The following KCNQ3 variants were observed in gnomAD, a reference collection of about 807,000 sequenced individuals.
KCNQ3 encodes potassium voltage-gated channel subfamily Q member 3.
KCNQ3 carries 30 observed loss-of-function variants against 92.5 expected under a neutral mutation model. The ratio of observed to expected loss-of-function variants is 0.32; its 90% CI spans 0.24 to 0.44. The LOEUF is 0.44. KCNQ3 is among the 20% of genes least tolerant of loss of function. KCNQ3 has a pLI of 1.00. For missense variants in KCNQ3, 913 were observed against 1,140.3 expected, an observed-to-expected ratio of 0.80 and a Z score of 2.87; for synonymous variants, 450 against 468.8, an observed-to-expected ratio of 0.96 and a Z score of 0.52.
chr8:132,190,683 A>T, intron 1 of KCNQ3, among the ~76,000 whole-genome samples: 1 of 152,214 alleles, frequency 6.6e-6, no homozygotes, highest in East Asian at 1.9e-4. Context: ...CTGCTTCGTG[A>T]GATGCTCAGC....
chr8:132,171,479 G>A (rs560477159), intron 7 of KCNQ3, among the ~76,000 whole-genome samples: 17 of 152,252 alleles, frequency 1.1e-4, no homozygotes, highest in East Asian at 7.7e-4. Flanking sequence ...TGAAATATAA[G>A]AGGAAACACT....
chr8:132,252,066 G>C (rs1815430224), intron 1 of KCNQ3, among the ~76,000 whole-genome samples: 1 of 152,110 alleles, frequency 6.6e-6, no homozygotes, highest in African/African-American at 2.4e-5. Context: ...GAGGATCATG[G>C]CCACTATGTA....
At chr8:132,348,682 GC>G (rs1818768233) in intron 1 of KCNQ3, among the ~76,000 whole-genome samples, 1 of 152,190 alleles carries the variant, frequency 6.6e-6, no homozygotes, top group Non-Finnish European at 1.5e-5. Flanking sequence ...TTCACAGAGG[GC>G]TCTGTCATCT....
At chr8:132,281,550 A>G (rs144989891) in intron 1 of KCNQ3, among the ~76,000 whole-genome samples, 591 of 11,046 alleles carry the variant, frequency 0.054, 4 homozygotes, top group African/African-American at 0.13. Context: ...ATGTGTGTGT[A>G]TATATATATA....
Position 132,194,248 on chromosome 8 carries a change from C to T in KCNQ3, c.387-8067G>A, listed in dbSNP as rs1159081924. ...TTACGTCATAGTTAGCTGCACTTGTCCTAACCCTTGGCCACCATTACTGAT... is the reference window on the plus strand; with the variant it reads ...TTACGTCATAGTTAGCTGCACTTGTTCTAACCCTTGGCCACCATTACTGAT... On this transcript the variant is annotated intron_variant, in intron 1 of 14. Coordinates refer to ENST00000388996, the MANE Select transcript of KCNQ3 (RefSeq NM_004519.4). Among the ~76,000 whole-genome samples the T allele has an allele frequency of 6.6e-5, 10 of 152,318 alleles. No homozygotes were observed. In the South Asian group the frequency reaches 1.0e-3, roughly 16 times the overall value.
chr8:132,213,972 G>A (rs776040885), intron 1 of KCNQ3, among the ~76,000 whole-genome samples: 14 of 152,108 alleles, frequency 9.2e-5, no homozygotes, highest in Non-Finnish European at 1.9e-4. Flanking sequence ...AAAAAACCAC[G>A]GAAAATACAC....
At chr8:132,447,053 G>A in intron 1 of KCNQ3, 1 of 662,790 alleles carries the variant, frequency 1.5e-6, no homozygotes, top group South Asian at 1.9e-5. Flanking sequence ...CATTTCCTGA[G>A]CCCCTTCTGG....
chr8:132,142,167 G>A (rs757323411), intron 9 of KCNQ3, among the ~76,000 whole-genome samples: 45 of 152,040 alleles, frequency 3.0e-4, no homozygotes, highest in Non-Finnish European at 3.7e-4. Context: ...ATTGTATTTT[G>A]TTTATAGATT....
chr8:132,262,166 TAATAGGCA>T (rs1472951674), intron 1 of KCNQ3, among the ~76,000 whole-genome samples: 2 of 152,184 alleles, frequency 1.3e-5, no homozygotes, highest in Non-Finnish European at 2.9e-5. Flanking sequence ...CAAATGTCCA[TAATAGGCA>T]AATCTACAGA....
chr8:132,129,604 G>C lies in KCNQ3; in HGVS notation c.2277C>G (p.Ser759Arg). Reference protein sequence around the residue: ...PILTLLDSRVSCHSQADLQGP... With the variant: ...PILTLLDSRVRCHSQADLQGP... ...CCTGCAGGTCAGCCTGGGAGTGGCA[G>C]CTCACTCGGGAGTCGAGAAGAGTCA... The change falls in exon 15 of 15, where the codon AGC (serine) becomes AGG (arginine). Residue 759 changes from serine to arginine, a missense_variant. Physicochemically the swap from Ser to Arg is moderately radical, Grantham distance 110 (BLOSUM62 -1). Around this residue, in one of 6 missense-constraint regions of KCNQ3, gnomAD observed 375 missense variants for 376.4 expected, o/e 1.00. Coordinates refer to ENST00000388996, the MANE Select transcript of KCNQ3 (RefSeq NM_004519.4). The surrounding 1 kb of genome is among the most constrained non-coding windows in gnomAD (Gnocchi z 5.9). 6.2e-7 allele frequency: 1 copy of C among 1,614,182 alleles called. No individual in the cohort carries two copies.
At position 132,150,580 on chromosome 8, in the gene KCNQ3, G is replaced by C. The variant is rs536238655; in HGVS notation, c.1263-9249C>G. Reference sequence around the variant, plus strand: ...ATCCAAGTTATAGTTATATTTACAAGGACTTTATGTTTTCCTTTTCTTGGA... The same window carrying C: ...ATCCAAGTTATAGTTATATTTACAACGACTTTATGTTTTCCTTTTCTTGGA... On this transcript the variant is annotated intron_variant, in intron 9 of 14. Transcript: ENST00000388996. Among the ~76,000 whole-genome samples the C allele has an allele frequency of 4.6e-5, 7 of 152,222 alleles. No homozygotes were observed. In the South Asian group the frequency reaches 1.5e-3, roughly 32 times the overall value.
At chr8:132,184,503 G>GGGT in intron 2 of KCNQ3, 136 bp from the exon 3 acceptor site, 1 of 605,186 alleles carries the variant, frequency 1.7e-6, no homozygotes, top group Non-Finnish European at 2.9e-6. Context: ...GATGGCTGGG[G>GGGT]ATGGGGGTGG....
At chr8:132,248,623 T>A (rs1815271819) in intron 1 of KCNQ3, among the ~76,000 whole-genome samples, 1 of 152,134 alleles carries the variant, frequency 6.6e-6, no homozygotes, top group African/African-American at 2.4e-5. Context: ...CACTCCAATA[T>A]CCTTTACTTG....
intron 8 of KCNQ3, among the ~76,000 whole-genome samples, chr8:132,164,391 G>A (rs1826081870): frequency 6.7e-6 from 1 of 149,484 alleles, no homozygotes; most frequent in South Asian, 2.1e-4. Context: ...CCCAGCACGT[G>A]AGAGTGCTCA....
In KCNQ3 at chr8:132,141,115, T is replaced by TA. The variant is rs1275197834; in HGVS notation, c.1465+13dup. The TA allele has an allele frequency of 6.2e-7, 1 of 1,612,470 alleles. No individual in the cohort carries two copies. The highest frequency in any genetic ancestry group is 8.5e-7 in the Non-Finnish European group (1 of 1,178,516). On this transcript the variant is annotated intron_variant, in intron 10 of 14. Coordinates refer to ENST00000388996, the MANE Select transcript of KCNQ3 (RefSeq NM_004519.4). ...GAAGTGGAAGAGACAGGGAGGGAGA[T>TA]AAAAAGGCATTACCTTCAGAACTCT...
chr8:132,331,512 C>T (rs566378662), intron 1 of KCNQ3, among the ~76,000 whole-genome samples: 6 of 152,244 alleles, frequency 3.9e-5, no homozygotes, highest in African/African-American at 1.4e-4. Context: ...AGCAAACAGA[C>T]TAGGGAAAGT....
At chr8:132,432,159 C>A (rs1263310863) in intron 1 of KCNQ3, among the ~76,000 whole-genome samples, 1 of 152,080 alleles carries the variant, frequency 6.6e-6, no homozygotes, top group East Asian at 1.9e-4. Context: ...CCCAGGGGAC[C>A]ACTTCATACT....
At chr8:132,243,939 G>A (rs1185838814) in intron 1 of KCNQ3, among the ~76,000 whole-genome samples, 1 of 152,144 alleles carries the variant, frequency 6.6e-6, no homozygotes, top group Non-Finnish European at 1.5e-5. Context: ...ACCAAAAAAA[G>A]GAGGAAGATC....
intron 13 of KCNQ3, 113 bp downstream of exon 13, chr8:132,134,177 C>T: frequency 1.2e-6 from 1 of 807,200 alleles, no homozygotes; most frequent in Non-Finnish European, 2.2e-6. Context: ...CTTCATTTTA[C>T]TTAGGAGAGT....
Sources: gnomAD v4.1 joint callset for allele counts (sites outside exome capture counted in the v4.1 genomes callset) on GRCh38, gnomAD v4.1.1 for gene constraint, gnomAD v4.1.1 regional missense constraint, Gnocchi (gnomAD v3.1) non-coding constraint, MANE v1.5 for transcripts, NCBI Gene and HGNC (gene_info 2026-07-23, HGNC 2026-07-21) for gene names.